The following NUCB2 variants were observed in gnomAD, a reference collection of about 807,000 sequenced individuals.
NUCB2 encodes the protein nucleobindin 2.
Under a neutral mutation model 57.9 loss-of-function variants are expected in NUCB2, and 48 were observed. The observed-to-expected ratio is 0.83, with a 90% CI of 0.66 to 1.05. NUCB2 has a LOEUF of 1.05. Ranked by LOEUF, NUCB2 falls within the 50% of genes least tolerant of loss-of-function variation. The pLI is 0.00. For synonymous variants in NUCB2, 139 were observed against 152.1 expected (o/e 0.91, Z 0.64); for missense variants, 442 against 476.2 (o/e 0.93, Z 0.67).
intron 2 of NUCB2, among the ~76,000 whole-genome samples, chr11:17,344,861 C>T (rs746438332): frequency 5.3e-5 from 8 of 152,134 alleles, no homozygotes; most frequent in Non-Finnish European, 8.8e-5. Flanking sequence ...TAATTCTGTC[C>T]GAGCCCCTGT....
chr11:17,327,122 G>A (rs960073030), intron 11 of NUCB2, among the ~76,000 whole-genome samples: 1 of 152,116 alleles, frequency 6.6e-6, no homozygotes, highest in African/African-American at 2.4e-5. Flanking sequence ...GTGCAGTGGC[G>A]TGATCTTGGC....
intron 2 of NUCB2, among the ~76,000 whole-genome samples, chr11:17,288,936 CACACACACACACACATATATATAT>C (rs1565376999): frequency 1.2e-5 from 1 of 84,566 alleles, no homozygotes; most frequent in African/African-American, 8.0e-5. Context: ...CACACACACA[CACACACACACACACATATATATAT>C]ATATTTTTTT....
Position 17,345,993 on chromosome 11 carries a change from G to A in NUCB2, n.2627-3352G>A, listed in dbSNP as rs144672091. Among the ~76,000 whole-genome samples the A allele has an allele frequency of 6.7e-4, 102 of 152,030 alleles. 1 individual carries two copies. The highest frequency in any genetic ancestry group is 2.1e-3 in the African/African-American group (89 of 41,466). ...TTTTTTGGAAAATATTGTTCTAGTC[G>A]TTGTTTGTATAGGTTTATTTCTAAT... On this transcript the variant is annotated intron_variant and non_coding_transcript_variant, in intron 2 of 2. Coordinates refer to the NUCB2 transcript ENST00000532240.
exon 2 of NUCB2, chr11:17,337,415 A>C (rs1446635210): frequency 6.6e-6 from 1 of 152,212 alleles, no homozygotes; most frequent in East Asian, 1.9e-4. Context: ...ATCGTTTGTC[A>C]TGCAGGATTT....
At position 17,330,918 on chromosome 11, in the gene NUCB2, A is replaced by G. The variant is rs777114339; in HGVS notation, c.1190A>G (p.Glu397Gly). Reference sequence around the variant, plus strand: ...ATTCACCAGGTCATACAGCAGATGGAACAAAAAAAATTACAACAAGGAATT... The same window carrying G: ...ATTCACCAGGTCATACAGCAGATGGGACAAAAAAAATTACAACAAGGAATT... ...LEYHQVIQQM[E>G]QKKLQQGIPP... The change falls in exon 13 of 14, where the codon GAA (glutamate) becomes GGA (glycine). Residue 397 changes from glutamate (E) to glycine (G), a missense_variant. Physicochemically the swap from Glu to Gly is moderately conservative, Grantham distance 98. Transcript: ENST00000529010. The surrounding 1 kb of genome is among the most constrained non-coding windows in gnomAD (Gnocchi z 4.3). 6.3e-7 allele frequency: 1 copy of G among 1,598,726 alleles called. No homozygotes were observed. Among genetic ancestry groups the G allele is most frequent in the Admixed American group, 1.7e-5 (1 of 59,298 alleles).
chr11:17,343,142 CT>C (rs1372444521), intron 2 of NUCB2, among the ~76,000 whole-genome samples: 8 of 151,686 alleles, frequency 5.3e-5, no homozygotes, highest in African/African-American at 1.7e-4. Flanking sequence ...CAACCCCTGC[CT>C]TTTTTTGTTT....
downstream of NUCB2, among the ~76,000 whole-genome samples, chr11:17,336,493 G>A (rs1263830140): frequency 1.3e-5 from 2 of 151,528 alleles, no homozygotes; most frequent in Non-Finnish European, 1.5e-5. Context: ...TAAAAAATAC[G>A]CCTGTAATCC....
intron 2 of NUCB2, among the ~76,000 whole-genome samples, chr11:17,343,290 A>G (rs185107045): frequency 1.2e-4 from 19 of 152,202 alleles, no homozygotes; most frequent in Non-Finnish European, 2.2e-4. Flanking sequence ...GTGTCTTTTA[A>G]TTGATTTAAT....
chr11:17,311,420 T>A, intron 8 of NUCB2, 137 bp downstream of exon 8: 1 of 619,996 alleles, frequency 1.6e-6, no homozygotes, highest in Non-Finnish European at 2.7e-6. Context: ...TAGGGTAATA[T>A]GATAGTCTTT....
At chr11:17,338,107 A>T (rs571397911) in intron 2 of NUCB2, among the ~76,000 whole-genome samples, 1 of 152,360 alleles carries the variant, frequency 6.6e-6, no homozygotes, top group South Asian at 2.1e-4. Flanking sequence ...GAAGACACCA[A>T]ATTGAAAAAT....
chr11:17,328,195 T>A (rs1268535327), intron 11 of NUCB2, among the ~76,000 whole-genome samples: 1 of 152,226 alleles, frequency 6.6e-6, no homozygotes, highest in Admixed American at 6.5e-5. Context: ...ATTCTCTAGA[T>A]TACCAGGCAG....
chr11:17,295,384 G>C lies in NUCB2; in HGVS notation c.61G>C (p.Ala21Pro). 6.2e-7 allele frequency: 1 copy of C among 1,613,334 alleles called. No individual in the cohort carries two copies. The highest frequency in any genetic ancestry group is 1.1e-5 in the South Asian group (1 of 91,054). The change falls in exon 3 of 14, where the codon GCT (alanine) becomes CCT (proline). Residue 21 changes from alanine to proline, a missense_variant. Physicochemically the swap from Ala to Pro is conservative, Grantham distance 27. Transcript: ENST00000529010. Reference sequence around the variant, plus strand: ...TCTCTTGATTACATGTTTACTTACTGCTCTTGAAGCTGTGCCTATTGACAT... The same window carrying C: ...TCTCTTGATTACATGTTTACTTACTCCTCTTGAAGCTGTGCCTATTGACAT... Reference protein sequence around the residue: ...CFLLITCLLTALEAVPIDIDK... With the variant: ...CFLLITCLLTPLEAVPIDIDK...
intron 5 of NUCB2, among the ~76,000 whole-genome samples, chr11:17,306,205 T>G (rs1165668986): frequency 6.6e-6 from 1 of 152,098 alleles, no homozygotes. Context: ...CTCCCATAGG[T>G]TGGTTATCTG....
At chr11:17,328,318 G>A (rs917273799) in intron 11 of NUCB2, among the ~76,000 whole-genome samples, 9 of 152,224 alleles carry the variant, frequency 5.9e-5, no homozygotes, top group Non-Finnish European at 8.8e-5. Context: ...CCATCACCAC[G>A]GAACTGTGCT....
At chr11:17,348,892 G>C (rs549797843) in intron 2 of NUCB2, among the ~76,000 whole-genome samples, 153 of 152,010 alleles carry the variant, frequency 1.0e-3, no homozygotes, top group African/African-American at 3.5e-3. Flanking sequence ...TGATTCTCCT[G>C]CTTCAGCCTC....
intron 2 of NUCB2, 23 bp from the exon 3 acceptor site, chr11:17,295,301 C>T (rs985100462): frequency 6.3e-7 from 1 of 1,592,226 alleles, no homozygotes; most frequent in Admixed American, 1.8e-5. Flanking sequence ...CATGACTTTA[C>T]CATAATTACT....
intron 11 of NUCB2, among the ~76,000 whole-genome samples, chr11:17,328,001 T>A (rs1950909600): frequency 6.6e-6 from 1 of 152,110 alleles, no homozygotes; most frequent in African/African-American, 2.4e-5. Context: ...TGTTTGTTGG[T>A]ATCAGAGCAT....
chr11:17,281,494 C>T (rs1288418801), intron 1 of NUCB2, among the ~76,000 whole-genome samples: 1 of 152,136 alleles, frequency 6.6e-6, no homozygotes, highest in East Asian at 1.9e-4. Flanking sequence ...GTTTCCTTTT[C>T]AAGACAAGAA....
chr11:17,348,319 G>GGTTTTTT (rs1952917777), intron 2 of NUCB2, among the ~76,000 whole-genome samples: 5 of 84,470 alleles, frequency 5.9e-5, no homozygotes, highest in African/African-American at 2.5e-4. Context: ...TTGTTTTTGT[G>GGTTTTTT]TTTTTTTTTT....
Sources: allele counts gnomAD v4.1 joint callset (sites outside exome capture counted in the v4.1 genomes callset), GRCh38; gene constraint gnomAD v4.1.1; non-coding constraint Gnocchi (gnomAD v3.1); transcripts MANE v1.5; gene names NCBI Gene and HGNC (gene_info 2026-07-23, HGNC 2026-07-21).